ROBO1: variants seen among roughly 807,000 people sequenced by gnomAD.
ROBO1 encodes the protein roundabout homolog 1.
A neutral mutation model predicts 195.9 loss-of-function variants in ROBO1; 149 were observed. The observed-to-expected ratio is 0.76, with a 90% confidence interval of 0.67 to 0.87. ROBO1 has a LOEUF of 0.87. Among genes scored for constraint, ROBO1 ranks in the 40% least tolerant of loss-of-function variants. The probability of loss-of-function intolerance (pLI) is 0.00; values close to 1 mark genes in which losing one functional copy is unlikely to be tolerated. For missense variants in ROBO1, 1,933 were observed against 2,068.3 expected (o/e 0.93, Z 1.27); for synonymous variants, 816 against 733.2 (o/e 1.11, Z -1.82).
intron 1 of ROBO1, among the ~76,000 whole-genome samples, chr3:79,666,442 G>A: frequency 6.6e-6 from 1 of 151,684 alleles, no homozygotes; most frequent in East Asian, 1.9e-4. Context: ...GATATGATTT[G>A]GCTATATCCC....
In ROBO1 at chr3:78,740,453, T is replaced by C. The variant is rs980069351; in HGVS notation, c.657+6290A>G. 9.1e-3 allele frequency among the ~76,000 whole-genome samples: 776 copies of C among 85,638 alleles called. 2 individuals carry two copies. Among genetic ancestry groups the C allele is most frequent in the African/African-American group, 0.03 (746 of 24,692 alleles). The allele number at this position is 85,638 out of a possible 152,430, so 56.2% of individuals were successfully genotyped here. On this transcript the variant is annotated intron_variant, in intron 5 of 30. Coordinates refer to ENST00000464233, the MANE Select transcript of ROBO1 (RefSeq NM_002941.4). ...AACTTATTTCTTATTTTTCTTTTTT[T>C]CTTTCTTTCTTTCTTTCTTTCTTTC...
intron 14 of ROBO1, among the ~76,000 whole-genome samples, chr3:78,665,654 A>C (rs779678167): frequency 3.8e-4 from 58 of 152,208 alleles, no homozygotes; most frequent in Non-Finnish European, 5.3e-4. Flanking sequence ...GGGATAAAAC[A>C]GAAAACAAAT....
intron 1 of ROBO1, among the ~76,000 whole-genome samples, chr3:79,719,253 G>A (rs113018152): frequency 0.024 from 3,665 of 152,012 alleles, 98 homozygotes; most frequent in Admixed American, 0.073. Flanking sequence ...GCAAAATTAT[G>A]CCTAAGCAGT....
intron 4 of ROBO1, among the ~76,000 whole-genome samples, chr3:78,933,894 A>C (rs1445387343): frequency 1.3e-5 from 2 of 152,028 alleles, no homozygotes; most frequent in Non-Finnish European, 2.9e-5. Flanking sequence ...TTCCCACATG[A>C]TCAATTTCAA....
chr3:79,277,257 T>C (rs940291495), intron 2 of ROBO1, among the ~76,000 whole-genome samples: 1 of 152,088 alleles, frequency 6.6e-6, no homozygotes, highest in Non-Finnish European at 1.5e-5. Context: ...GAAAATGTAG[T>C]ACATATACAC....
At chr3:78,875,367 G>C (rs2035778675) in intron 4 of ROBO1, among the ~76,000 whole-genome samples, 1 of 151,890 alleles carries the variant, frequency 6.6e-6, no homozygotes, top group African/African-American at 2.4e-5. Context: ...GAGACAATTA[G>C]TAAGCTTGAG....
chr3:78,700,657 C>T (rs1031656415), intron 8 of ROBO1, among the ~76,000 whole-genome samples: 5 of 151,934 alleles, frequency 3.3e-5, no homozygotes, highest in Non-Finnish European at 7.3e-5. Context: ...TTCAATATCT[C>T]GATTTTGCAA....
rs553711971 is a variant in ROBO1, at chr3:79,443,901, G to A, written c.88+145923C>T. Among the ~76,000 whole-genome samples the A allele has an allele frequency of 2.0e-5, 3 of 151,894 alleles. No individual in the cohort carries two copies. The East Asian group carries it at 5.8e-4, about 29-fold the overall frequency. On this transcript the variant is annotated intron_variant, in intron 2 of 30. Transcript: ENST00000464233. ...ACAAAGCATATATGGAATCTTGACAGTGGGTATTACAAGTCAGTGAAGGAA... is the reference window on the plus strand; with the variant it reads ...ACAAAGCATATATGGAATCTTGACAATGGGTATTACAAGTCAGTGAAGGAA...
At chr3:79,739,677 A>G (rs1703541120) in intron 1 of ROBO1, among the ~76,000 whole-genome samples, 1 of 152,176 alleles carries the variant, frequency 6.6e-6, no homozygotes, top group African/African-American at 2.4e-5. Context: ...GCTAGGGAAA[A>G]GATTACTGTT....
At chr3:78,714,207 T>C (rs796924850) in intron 8 of ROBO1, among the ~76,000 whole-genome samples, 190 bp downstream of exon 8, 12 of 152,304 alleles carry the variant, frequency 7.9e-5, no homozygotes, top group African/African-American at 2.9e-4. Context: ...TTAATTCAAT[T>C]TCCTGTAACA....
intron 4 of ROBO1, among the ~76,000 whole-genome samples, chr3:78,895,055 A>G (rs185357732): frequency 2.0e-5 from 3 of 152,330 alleles, no homozygotes; most frequent in Admixed American, 2.0e-4. Context: ...TCAGTGATTT[A>G]TTACAGAGCC....
intron 4 of ROBO1, among the ~76,000 whole-genome samples, chr3:78,808,815 T>C (rs909577420): frequency 3.9e-5 from 6 of 152,182 alleles, no homozygotes; most frequent in Non-Finnish European, 7.4e-5. Context: ...TGAAACTGGA[T>C]CCCTTCCTTA....
At chr3:78,713,112 G>A (rs1264228390) in intron 8 of ROBO1, among the ~76,000 whole-genome samples, 5 of 152,084 alleles carry the variant, frequency 3.3e-5, no homozygotes, top group African/African-American at 7.2e-5. Context: ...AGCCTTACTT[G>A]GAGTTCAAGT....
At chr3:79,115,074 C>A (rs1303511404) in intron 3 of ROBO1, among the ~76,000 whole-genome samples, 2 of 152,118 alleles carry the variant, frequency 1.3e-5, no homozygotes, top group Non-Finnish European at 2.9e-5. Context: ...TGACTTGGGT[C>A]TAGGAATGAT....
chr3:78,890,236 C>T (rs2036810610), intron 4 of ROBO1, among the ~76,000 whole-genome samples: 1 of 152,108 alleles, frequency 6.6e-6, no homozygotes, highest in African/African-American at 2.4e-5. Flanking sequence ...AAGAATTCTG[C>T]TACAGACTGA....
At chr3:78,881,674 C>T (rs994760471) in intron 4 of ROBO1, among the ~76,000 whole-genome samples, 1 of 152,112 alleles carries the variant, frequency 6.6e-6, no homozygotes, top group African/African-American at 2.4e-5. Context: ...GAAATAAAAA[C>T]TGGCAGATTT....
At chr3:79,283,767 C>T (rs12635051) in intron 2 of ROBO1, among the ~76,000 whole-genome samples, 14 of 149,312 alleles carry the variant, frequency 9.4e-5, no homozygotes, top group Non-Finnish European at 1.9e-4. Context: ...GCGCGATCTC[C>T]GCTCACTGCA....
At chr3:79,173,522 G>C (rs994382273) in intron 2 of ROBO1, among the ~76,000 whole-genome samples, 3 of 151,996 alleles carry the variant, frequency 2.0e-5, no homozygotes, top group African/African-American at 7.2e-5. Context: ...CAGCAGTGCC[G>C]GCCCACCGGG....
intron 2 of ROBO1, among the ~76,000 whole-genome samples, chr3:79,186,750 A>AT (rs1386218777): frequency 1.3e-5 from 2 of 152,110 alleles, no homozygotes; most frequent in Non-Finnish European, 2.9e-5. Flanking sequence ...TCATAGACAC[A>AT]TTTTGAGATG....
Sources: allele counts gnomAD v4.1 joint callset (sites outside exome capture counted in the v4.1 genomes callset), GRCh38; gene constraint gnomAD v4.1.1; transcripts MANE v1.5; gene names NCBI Gene and HGNC (gene_info 2026-07-23, HGNC 2026-07-21).